The following GALNT13 variants were observed in gnomAD, a reference collection of about 807,000 sequenced individuals.
GALNT13 encodes the protein UDP-GalNAc:polypeptide N-acetylgalactosaminyltransferase 13.
A neutral mutation model predicts 64.2 loss-of-function variants in GALNT13; 28 were observed. That is an observed-to-expected ratio of 0.44 (90% confidence interval 0.32 to 0.60). GALNT13 has a LOEUF of 0.60. Among genes scored for constraint, GALNT13 ranks in the 20% least tolerant of loss-of-function variants. The pLI is 0.05. For missense variants in GALNT13, 577 were observed against 669.8 expected (o/e 0.86, Z 1.53); for synonymous variants, 214 against 224.6 (o/e 0.95, Z 0.42).
At chr2:153,293,787 G>C in the GALNT13 span, among the ~76,000 whole-genome samples, 325 of 121,458 alleles carry the variant, frequency 2.7e-3, 3 homozygotes, top group African/African-American at 5.1e-3. Flanking sequence ...GTGTGTGTGT[G>C]TGTGTCTGTG....
At chr2:153,489,521 G>C in the GALNT13 span, among the ~76,000 whole-genome samples, 6 of 152,090 alleles carry the variant, frequency 3.9e-5, no homozygotes, top group South Asian at 1.2e-3. Flanking sequence ...AGTTGGTGGG[G>C]CATGTTTATT....
chr2:153,638,804 A>C, the GALNT13 span, among the ~76,000 whole-genome samples: 11 of 152,204 alleles, frequency 7.2e-5, 1 homozygote, highest in South Asian at 2.3e-3. Flanking sequence ...AAGAGGAATA[A>C]ATGTCATTGG....
chr2:153,175,411 C>A, the GALNT13 span, among the ~76,000 whole-genome samples: 2 of 152,092 alleles, frequency 1.3e-5, no homozygotes, highest in African/African-American at 2.4e-5. Context: ...TTAAAACATG[C>A]AATCTATACT....
intron 3 of GALNT13, among the ~76,000 whole-genome samples, chr2:154,126,591 C>T (rs1167318942): frequency 6.7e-6 from 1 of 150,042 alleles, no homozygotes; most frequent in Non-Finnish European, 1.5e-5. Context: ...GCCGAGATCG[C>T]GCCATTGCAC....
the GALNT13 span, among the ~76,000 whole-genome samples, chr2:153,089,363 C>A: frequency 6.6e-6 from 1 of 152,222 alleles, no homozygotes; most frequent in East Asian, 1.9e-4. Context: ...GATATGTTTT[C>A]CTTTCTAGGT....
At chr2:154,154,383 A>G (rs946269769) in intron 4 of GALNT13, among the ~76,000 whole-genome samples, 1 of 152,216 alleles carries the variant, frequency 6.6e-6, no homozygotes, top group Non-Finnish European at 1.5e-5. Flanking sequence ...ATCCAAGCTC[A>G]TTGGCCTGCA....
chr2:153,845,928 G>GA, the GALNT13 span, among the ~76,000 whole-genome samples: 2 of 152,064 alleles, frequency 1.3e-5, no homozygotes. Flanking sequence ...AGAGATGAAA[G>GA]AAAAAATAAG....
the GALNT13 span, among the ~76,000 whole-genome samples, chr2:153,797,898 A>G: frequency 2.0e-5 from 3 of 152,108 alleles, no homozygotes; most frequent in African/African-American, 7.2e-5. Flanking sequence ...AATGCCTTCT[A>G]TATTTTACTG....
the GALNT13 span, among the ~76,000 whole-genome samples, chr2:153,121,965 G>A: frequency 6.6e-6 from 1 of 151,772 alleles, no homozygotes; most frequent in South Asian, 2.1e-4. Context: ...TGTAATTATG[G>A]TATGCATACA....
At chr2:153,557,762 T>A in the GALNT13 span, among the ~76,000 whole-genome samples, 1 of 152,338 alleles carries the variant, frequency 6.6e-6, no homozygotes, top group South Asian at 2.1e-4. Flanking sequence ...TACAGAGTCT[T>A]TAAGATCAGG....
At chr2:153,470,748 G>T in the GALNT13 span, among the ~76,000 whole-genome samples, 2 of 152,078 alleles carry the variant, frequency 1.3e-5, no homozygotes, top group Admixed American at 6.5e-5. Flanking sequence ...ATTCTAGCTT[G>T]AACTTTGATG....
intron 2 of GALNT13, among the ~76,000 whole-genome samples, chr2:153,902,374 T>G (rs1688294747): frequency 6.6e-6 from 1 of 152,090 alleles, no homozygotes; most frequent in African/African-American, 2.4e-5. Context: ...TTGGTTCAAT[T>G]AATAGTCCAT....
the GALNT13 span, among the ~76,000 whole-genome samples, chr2:153,147,483 G>A: frequency 3.0e-4 from 45 of 151,130 alleles, no homozygotes; most frequent in Non-Finnish European, 5.8e-4. Flanking sequence ...GAGGAGTATC[G>A]ACAATTTCTG....
chr2:153,283,501 A>G, the GALNT13 span, among the ~76,000 whole-genome samples: 3 of 152,096 alleles, frequency 2.0e-5, no homozygotes, highest in African/African-American at 7.2e-5. Flanking sequence ...CTTAACCATG[A>G]TCTCTTCACT....
chr2:154,421,146 A>C (rs1700232020), intron 11 of GALNT13, among the ~76,000 whole-genome samples: 1 of 152,160 alleles, frequency 6.6e-6, no homozygotes, highest in Non-Finnish European at 1.5e-5. Flanking sequence ...CGGGAAGAGA[A>C]ACATTAAGTT....
chr2:154,274,661 C>T (rs1423907944), intron 8 of GALNT13, among the ~76,000 whole-genome samples: 1 of 152,120 alleles, frequency 6.6e-6, no homozygotes, highest in Non-Finnish European at 1.5e-5. Flanking sequence ...ACAAGCCATG[C>T]TGAACAGTGA....
chr2:154,391,794 T>C (rs1208869542), intron 9 of GALNT13, among the ~76,000 whole-genome samples: 1 of 152,144 alleles, frequency 6.6e-6, no homozygotes, highest in Non-Finnish European at 1.5e-5. Context: ...TCATCCAAAG[T>C]TTTTGTTGAG....
chr2:153,577,886 CT>C, the GALNT13 span, among the ~76,000 whole-genome samples: 3 of 150,766 alleles, frequency 2.0e-5, no homozygotes, highest in Admixed American at 6.6e-5. Flanking sequence ...ATTTTAAACA[CT>C]GACAGTTTGT....
intron 3 of GALNT13, among the ~76,000 whole-genome samples, chr2:154,020,716 T>C (rs967247739): frequency 6.6e-6 from 1 of 150,456 alleles, no homozygotes; most frequent in African/African-American, 2.4e-5. Flanking sequence ...TAGATCCCAT[T>C]TGTCAATTTT....
Sources: gnomAD v4.1 joint callset for allele counts (sites outside exome capture counted in the v4.1 genomes callset) on GRCh38, gnomAD v4.1.1 for gene constraint, MANE v1.5 for transcripts, NCBI Gene and HGNC (gene_info 2026-07-23, HGNC 2026-07-21) for gene names.